Variants in IL1RAPL2 observed in about 807,000 individuals in gnomAD.
IL1RAPL2 encodes the protein interleukin 1 receptor accessory protein like 2, also known as X-linked interleukin-1 receptor accessory protein-like 2.
A neutral mutation model predicts 44.1 loss-of-function variants in IL1RAPL2; 3 were observed. That is an observed-to-expected ratio of 0.07 (90% CI 0.03 to 0.18). The LOEUF is 0.18. Among genes scored for constraint, IL1RAPL2 ranks in the 10% least tolerant of loss-of-function variants. The pLI, the probability that IL1RAPL2 is intolerant of heterozygous loss-of-function variation, is 1.00. For synonymous variants in IL1RAPL2, 181 were observed against 178.8 expected, an observed-to-expected ratio of 1.01 and a Z score of -0.10; for missense variants, 391 against 496.4, an observed-to-expected ratio of 0.79 and a Z score of 2.02.
At chrX:105,609,137 GA>G (rs1240281971) in intron 6 of IL1RAPL2, among the ~76,000 whole-genome samples, 4 of 109,813 alleles carry the variant, frequency 3.6e-5, no homozygotes, top group South Asian at 7.6e-4. Flanking sequence ...ATTTTAGAAA[GA>G]AAAAAAAATA....
intron 1 of IL1RAPL2, among the ~76,000 whole-genome samples, chrX:104,597,683 G>A (rs1342718618): frequency 9.1e-6 from 1 of 110,483 alleles, no homozygotes; most frequent in African/African-American, 3.3e-5. Context: ...GGTTTTTGGG[G>A]GAAGGTTTTT....
chrX:105,445,148 A>C (rs1053691196), intron 5 of IL1RAPL2, among the ~76,000 whole-genome samples: 18 of 111,229 alleles, frequency 1.6e-4, no homozygotes, highest in Non-Finnish European at 2.6e-4. Context: ...GGAATTTATC[A>C]GATTATTCTA....
In IL1RAPL2 at chrX:105,276,802, A is replaced by G. The variant is rs149460502; in HGVS notation, c.697+9261A>G. 8.2e-3 allele frequency among the ~76,000 whole-genome samples: 918 copies of G among 111,997 alleles called. 12 individuals carry two copies. Among genetic ancestry groups the G allele is most frequent in the African/African-American group, 0.029 (882 of 30,790 alleles). ...TGACTGACTCAGACTCTGTTCCACT[A>G]TTTCCATCTCTAGCAGTGAGTGGAA... is the stretch of plus-strand genomic sequence containing the variant. On this transcript the variant is annotated intron_variant, in intron 5 of 10. Coordinates refer to ENST00000372582, the MANE Select transcript of IL1RAPL2 (RefSeq NM_017416.2).
intron 5 of IL1RAPL2, among the ~76,000 whole-genome samples, chrX:105,327,644 T>TA: frequency 9.0e-6 from 1 of 111,569 alleles, no homozygotes; most frequent in East Asian, 2.8e-4. Context: ...CCTCCTTTCA[T>TA]ACCATGGGAG....
chrX:105,020,975 G>A (rs1307914929), intron 2 of IL1RAPL2, among the ~76,000 whole-genome samples: 1 of 111,892 alleles, frequency 8.9e-6, no homozygotes, highest in African/African-American at 3.2e-5. Context: ...ATTTATCATG[G>A]TTATTTGAAC....
At chrX:105,620,557 CTT>C (rs745561193) in intron 6 of IL1RAPL2, among the ~76,000 whole-genome samples, 44 of 110,242 alleles carry the variant, frequency 4.0e-4, no homozygotes, top group Non-Finnish European at 7.6e-4. Flanking sequence ...TGCTAAGTAA[CTT>C]AGCCAAAATC....
chrX:105,248,301 A>G (rs892336680), intron 4 of IL1RAPL2, among the ~76,000 whole-genome samples: 1 of 111,698 alleles, frequency 9.0e-6, no homozygotes. Flanking sequence ...AAGAAGAGAC[A>G]AAATAATCTT....
At chrX:105,640,500 A>G (rs1302830834) in intron 6 of IL1RAPL2, among the ~76,000 whole-genome samples, 1 of 107,695 alleles carries the variant, frequency 9.3e-6, no homozygotes, top group Non-Finnish European at 1.9e-5. Context: ...TTGTGTTTGA[A>G]TATTAAACTG....
intron 1 of IL1RAPL2, among the ~76,000 whole-genome samples, chrX:104,605,531 C>G (rs888245638): frequency 4.5e-5 from 5 of 111,285 alleles, no homozygotes; most frequent in African/African-American, 1.6e-4. Flanking sequence ...AATCCAGGAG[C>G]TGGTTCTGTG....
At chrX:105,742,574 C>A (rs1243568009) in intron 8 of IL1RAPL2, among the ~76,000 whole-genome samples, 1 of 111,518 alleles carries the variant, frequency 9.0e-6, no homozygotes, top group Non-Finnish European at 1.9e-5. Flanking sequence ...AAGGCTTCTA[C>A]AAGAAAACTG....
chrX:105,727,373 TATC>T (rs1442909239), intron 7 of IL1RAPL2, among the ~76,000 whole-genome samples: 1 of 112,051 alleles, frequency 8.9e-6, no homozygotes, highest in Non-Finnish European at 1.9e-5. Context: ...AATGTTATGT[TATC>T]ATTCCCTTCA....
intron 2 of IL1RAPL2, among the ~76,000 whole-genome samples, chrX:104,757,189 T>C (rs1360079912): frequency 2.7e-5 from 3 of 111,745 alleles, no homozygotes; most frequent in African/African-American, 6.5e-5. Context: ...TGGTTCTAGA[T>C]GGTAATAATC....
chrX:105,298,416 G>A (rs943311164), intron 5 of IL1RAPL2, among the ~76,000 whole-genome samples: 5 of 110,847 alleles, frequency 4.5e-5, no homozygotes, highest in African/African-American at 1.6e-4. Flanking sequence ...GCGGGAATTA[G>A]AGATGACTCT....
intron 6 of IL1RAPL2, among the ~76,000 whole-genome samples, chrX:105,615,923 A>T (rs2037372628): frequency 8.9e-6 from 1 of 112,130 alleles, no homozygotes; most frequent in Non-Finnish European, 1.9e-5. Context: ...TGCCTGTATC[A>T]AAACATCTCA....
chrX:105,338,458 A>G (rs994905803), intron 5 of IL1RAPL2, among the ~76,000 whole-genome samples: 3 of 111,846 alleles, frequency 2.7e-5, no homozygotes, highest in African/African-American at 9.8e-5. Flanking sequence ...TGTTTCTTGG[A>G]GCCTGAATCT....
chrX:105,493,840 G>C (rs1477255978), intron 6 of IL1RAPL2, among the ~76,000 whole-genome samples: 1 of 111,818 alleles, frequency 8.9e-6, no homozygotes, highest in Non-Finnish European at 1.9e-5. Context: ...TGAGAAAATA[G>C]AAATTATTAA....
intron 6 of IL1RAPL2, among the ~76,000 whole-genome samples, chrX:105,612,812 AG>A (rs780382045): frequency 3.2e-4 from 36 of 112,156 alleles, no homozygotes; most frequent in African/African-American, 1.0e-3. Context: ...CCTTTGCTAG[AG>A]GGGAATCACC....
intron 2 of IL1RAPL2, among the ~76,000 whole-genome samples, chrX:104,974,367 A>G (rs754165478): frequency 8.9e-6 from 1 of 112,389 alleles, no homozygotes; most frequent in Non-Finnish European, 1.9e-5. Flanking sequence ...TCTTCAAATG[A>G]ATAAGCCTAG....
intron 6 of IL1RAPL2, among the ~76,000 whole-genome samples, chrX:105,514,950 A>G (rs2036501294): frequency 8.9e-6 from 1 of 112,124 alleles, no homozygotes; most frequent in Non-Finnish European, 1.9e-5. Flanking sequence ...AAAAACAACA[A>G]AAAACATTAA....
Sources: gnomAD v4.1 joint callset for allele counts (sites outside exome capture counted in the v4.1 genomes callset) on GRCh38, gnomAD v4.1.1 for gene constraint, MANE v1.5 for transcripts, NCBI Gene and HGNC (gene_info 2026-07-23, HGNC 2026-07-21) for gene names.